DRICH1: variants seen among roughly 807,000 people sequenced by gnomAD.
DRICH1 encodes the protein aspartate rich 1.
DRICH1 carries 38 observed loss-of-function variants against 39.5 expected under a neutral mutation model. That is an observed-to-expected ratio of 0.96 (90% CI 0.74 to 1.26). The LOEUF (loss-of-function observed/expected upper bound fraction) is 1.26. DRICH1 is among the 50% of genes most tolerant of loss of function. The pLI, the probability that DRICH1 is intolerant of heterozygous loss-of-function variation, is 0.00. For missense variants in DRICH1, 279 were observed against 270.4 expected (o/e 1.03, Z -0.22); for synonymous variants, 84 against 99.5 (o/e 0.84, Z 0.93).
At chr22:23,624,439 ATTT>A (rs1426863500) in intron 3 of DRICH1, 2 of 743,146 alleles carry the variant, frequency 2.7e-6, no homozygotes, top group African/African-American at 3.8e-5. Flanking sequence ...CTCAGCTTCT[ATTT>A]ACTTTTTCTT....
At chr22:23,629,302 G>A (rs182488291) in intron 1 of DRICH1, among the ~76,000 whole-genome samples, 182 of 152,252 alleles carry the variant, frequency 1.2e-3, no homozygotes, top group African/African-American at 4.3e-3. Context: ...GCCTCCCAAA[G>A]TGCTGGGATT....
At chr22:23,608,096 G>C (rs149048868), downstream of DRICH1, 201 of 152,856 alleles carry the variant, frequency 1.3e-3, 4 homozygotes, top group East Asian at 0.027. Flanking sequence ...AGGGTGAGAG[G>C]GGGTGAGAAG....
In DRICH1 at chr22:23,616,494, G is replaced by A. The variant is rs1368289984; in HGVS notation, c.541+359C>T. Among the ~76,000 whole-genome samples the A allele has an allele frequency of 2.0e-5, 3 of 152,150 alleles. No homozygotes were observed. In the East Asian group the frequency reaches 5.8e-4, roughly 29 times the overall value. Reference sequence around the variant, plus strand: ...AGCAGGTATAACATGAAGGCTCCTGGAAATGCTGTATTATTAGACCCCACT... The same window carrying A: ...AGCAGGTATAACATGAAGGCTCCTGAAAATGCTGTATTATTAGACCCCACT... On this transcript the variant is annotated intron_variant, in intron 8 of 11. Coordinates refer to ENST00000317749, the MANE Select transcript of DRICH1 (RefSeq NM_016449.4).
At chr22:23,593,994 A>AAAAAAAAGAAT in the DRICH1 span, among the ~76,000 whole-genome samples, 1 of 151,894 alleles carries the variant, frequency 6.6e-6, no homozygotes, top group Non-Finnish European at 1.5e-5. Context: ...AAAAAAAGAA[A>AAAAAAAAGAAT]AGAGCAAACA....
chr22:23,632,386 GA>G (rs1921012327), upstream of DRICH1: 1 of 299,082 alleles, frequency 3.3e-6, no homozygotes, highest in African/African-American at 2.2e-5. Context: ...TGGTTACCAG[GA>G]AACAGCCAGG....
intron 6 of DRICH1, among the ~76,000 whole-genome samples, chr22:23,618,722 T>C (rs1302474836): frequency 3.9e-5 from 6 of 152,176 alleles, no homozygotes; most frequent in Admixed American, 3.3e-4. Context: ...GGTTCAAATA[T>C]ACATGATCTA....
chr22:23,585,241 G>A, the DRICH1 span, among the ~76,000 whole-genome samples: 3 of 152,170 alleles, frequency 2.0e-5, no homozygotes, highest in South Asian at 2.1e-4. Context: ...AGGCTCAAGC[G>A]ATCTTCCCAC....
At chr22:23,594,017 T>G in the DRICH1 span, among the ~76,000 whole-genome samples, 1 of 143,556 alleles carries the variant, frequency 7.0e-6, no homozygotes, top group Non-Finnish European at 1.5e-5. Context: ...GGTGAAGGCA[T>G]CCTAAGGGAC....
chr22:23,619,804 C>T (rs1319167818), intron 5 of DRICH1, among the ~76,000 whole-genome samples: 1 of 151,714 alleles, frequency 6.6e-6, no homozygotes, highest in Non-Finnish European at 1.5e-5. Flanking sequence ...TCATTCTGTC[C>T]TCCACACTCA....
At chr22:23,620,489 C>G (rs555744602) in intron 5 of DRICH1, 105 bp downstream of exon 5, 77 of 1,306,928 alleles carry the variant, frequency 5.9e-5, no homozygotes, top group Non-Finnish European at 8.1e-5. Flanking sequence ...ATCATTTGCT[C>G]TCACCACACC....
In DRICH1 at chr22:23,608,697, G is replaced by A. The variant is rs1359285036; in HGVS notation, c.*67C>T. ...GATTGAGACCTCCAGGGGCAAAGCT[G>A]GGGACCCTGCAGCACGCGCTGGCCT... On this transcript the variant is annotated 3_prime_UTR_variant, in exon 12 of 12. Coordinates refer to ENST00000317749, the MANE Select transcript of DRICH1 (RefSeq NM_016449.4). 19 of 1,508,512 alleles carry A rather than the reference G, an allele frequency of 1.3e-5. No individual in the cohort carries two copies. Among genetic ancestry groups the A allele is most frequent in the Non-Finnish European group, 1.7e-5 (19 of 1,109,076 alleles). 93.4% of individuals were successfully genotyped at this position (1,508,512 alleles called of 1,614,324 possible). A position where few individuals can be genotyped will look rare whatever the true frequency, so the allele number is the denominator to read the frequency against.
chr22:23,627,627 A>G lies in DRICH1; in HGVS notation c.209-1579T>C, dbSNP rs539675584. 3.3e-5 allele frequency among the ~76,000 whole-genome samples: 5 copies of G among 152,340 alleles called. No homozygotes were observed. In the South Asian group the frequency reaches 1.0e-3, roughly 32 times the overall value. The stretch of plus-strand genomic sequence containing the variant: ...AACAATGAGAACAACATCCAGGTCC[A>G]GAGGGATTCCAGCAGGGGGTGCACG... On this transcript the variant is annotated intron_variant, in intron 1 of 11. Coordinates refer to ENST00000317749, the MANE Select transcript of DRICH1 (RefSeq NM_016449.4).
At chr22:23,601,880 T>G in the DRICH1 span, among the ~76,000 whole-genome samples, 1 of 152,360 alleles carries the variant, frequency 6.6e-6, no homozygotes, top group Non-Finnish European at 1.5e-5. Flanking sequence ...GTTGCCGTGG[T>G]TGGGGTACAG....
chr22:23,607,263 C>T (rs1005859825), downstream of DRICH1: 8 of 152,368 alleles, frequency 5.3e-5, no homozygotes, highest in Non-Finnish European at 1.5e-5. Flanking sequence ...GTGTGCCAGG[C>T]ATTGTCTCCA....
chr22:23,612,424 AC>A (rs1235745117), intron 11 of DRICH1, among the ~76,000 whole-genome samples: 1 of 140,828 alleles, frequency 7.1e-6, no homozygotes, highest in Non-Finnish European at 1.5e-5. Context: ...CCGAGATCGC[AC>A]CACTGCACTC....
chr22:23,628,773 T>A (rs1928222731), intron 1 of DRICH1, among the ~76,000 whole-genome samples: 1 of 152,168 alleles, frequency 6.6e-6, no homozygotes, highest in Non-Finnish European at 1.5e-5. Context: ...TCCTGTCTGC[T>A]CTGTGTCAGA....
intron 4 of DRICH1, among the ~76,000 whole-genome samples, chr22:23,621,241 C>T (rs1927708859): frequency 6.6e-6 from 1 of 151,978 alleles, no homozygotes; most frequent in African/African-American, 2.4e-5. Flanking sequence ...ATTGCCCTCA[C>T]TTCAACCAAA....
downstream of DRICH1, among the ~76,000 whole-genome samples, chr22:23,605,635 C>A (rs1973024741): frequency 6.8e-6 from 1 of 147,152 alleles, no homozygotes; most frequent in South Asian, 2.2e-4. Context: ...CCCACCCCTG[C>A]CTCCATTCCC....
chr22:23,597,167 C>T, the DRICH1 span, among the ~76,000 whole-genome samples: 1 of 142,308 alleles, frequency 7.0e-6, no homozygotes, highest in Non-Finnish European at 1.5e-5. Flanking sequence ...CTCCTTCCTT[C>T]TTTCCTTCCT....
Sources: gnomAD v4.1 joint callset for allele counts (sites outside exome capture counted in the v4.1 genomes callset) on GRCh38, gnomAD v4.1.1 for gene constraint, MANE v1.5 for transcripts, NCBI Gene and HGNC (gene_info 2026-07-23, HGNC 2026-07-21) for gene names.